AGBL1: variants seen among roughly 807,000 people sequenced by gnomAD.
AGBL1 encodes the protein cytosolic carboxypeptidase 4.
A neutral mutation model predicts 118.9 loss-of-function variants in AGBL1; 130 were observed. The ratio of observed to expected loss-of-function variants is 1.09; its 90% CI spans 0.95 to 1.26. The LOEUF (loss-of-function observed/expected upper bound fraction) is 1.26. Ranked by LOEUF, AGBL1 falls within the 50% of genes most tolerant of loss-of-function variation. The pLI is 0.00. For synonymous variants in AGBL1, 555 were observed against 478.9 expected, an observed-to-expected ratio of 1.16 and a Z score of -2.08; for missense variants, 1,584 against 1,298.1, an observed-to-expected ratio of 1.22 and a Z score of -3.38.
chr15:86,936,125 A>G (rs752304739), intron 23 of AGBL1, among the ~76,000 whole-genome samples: 135 of 152,314 alleles, frequency 8.9e-4, no homozygotes, highest in Non-Finnish European at 1.4e-3. Flanking sequence ...GGGGTTCTGC[A>G]GTGCCACTAA....
intron 16 of AGBL1, among the ~76,000 whole-genome samples, chr15:86,282,580 G>A (rs1297157794): frequency 6.6e-6 from 1 of 152,078 alleles, no homozygotes; most frequent in Non-Finnish European, 1.5e-5. Flanking sequence ...ATAACTCATG[G>A]TCTTTGTCCT....
intron 17 of AGBL1, among the ~76,000 whole-genome samples, chr15:86,310,321 T>C (rs867935899): frequency 9.2e-5 from 14 of 152,328 alleles, no homozygotes; most frequent in Admixed American, 5.2e-4. Flanking sequence ...TTCTCTTACT[T>C]AGTTTGGCTA....
intron 18 of AGBL1, among the ~76,000 whole-genome samples, chr15:86,465,409 G>C (rs1416056694): frequency 6.6e-6 from 1 of 152,062 alleles, no homozygotes; most frequent in Non-Finnish European, 1.5e-5. Context: ...ATGAAATCTG[G>C]CACCTTGAAA....
intron 22 of AGBL1, among the ~76,000 whole-genome samples, chr15:86,820,561 C>A (rs1462018490): frequency 6.6e-6 from 1 of 151,972 alleles, no homozygotes; most frequent in Non-Finnish European, 1.5e-5. Context: ...TTTTTGCGGC[C>A]AAGAAACATA....
In AGBL1 at chr15:86,344,934, CAG is replaced by C. The variant is rs1321026741; in HGVS notation, c.2374+49529_2374+49530del. On this transcript the variant is annotated intron_variant, in intron 17 of 22. Transcript: ENST00000614907. ...GTTTGTACTTGACTCCTTTCCTTTT[CAG>C]AGTCATATAATGTCATCAGTGAACA... 1.2e-4 allele frequency among the ~76,000 whole-genome samples: 19 copies of C among 152,196 alleles called. No individual in the cohort carries two copies. The East Asian group carries it at 2.7e-3, about 22-fold the overall frequency.
chr15:86,079,966 GA>G lies in AGBL1; in HGVS notation c.-3del. 8.1e-7 allele frequency: 1 copy of G among 1,232,184 alleles called. No individual in the cohort carries two copies. The highest frequency in any genetic ancestry group is 4.1e-5 in the South Asian group (1 of 24,322). 76.3% of individuals were successfully genotyped at this position (1,232,184 alleles called of 1,614,324 possible). A position where few individuals can be genotyped will look rare whatever the true frequency, so the allele number is the denominator to read the frequency against. On this transcript the variant is annotated 5_prime_UTR_variant, in exon 1 of 23. Coordinates refer to ENST00000614907, the MANE Select transcript of AGBL1 (RefSeq NM_001386094.1). ...CAGGCAGCGGTTCCCTAGGACCCGA[GA>G]AAAGGATGGCCGAACAAGAAGCTAG...
intron 6 of AGBL1, among the ~76,000 whole-genome samples, chr15:86,233,038 C>T (rs572296398): frequency 1.3e-5 from 2 of 152,312 alleles, no homozygotes; most frequent in Non-Finnish European, 2.9e-5. Flanking sequence ...TTATGATCCC[C>T]ATTTTACATG....
intron 22 of AGBL1, among the ~76,000 whole-genome samples, chr15:86,782,655 A>G (rs935832556): frequency 6.6e-6 from 1 of 152,194 alleles, no homozygotes; most frequent in African/African-American, 2.4e-5. Context: ...ATATCAGTCA[A>G]CTTAAAGTTG....
At chr15:86,563,570 C>A (rs571654981) in intron 21 of AGBL1, among the ~76,000 whole-genome samples, 7,280 of 78,542 alleles carry the variant, frequency 0.093, 491 homozygotes, top group African/African-American at 0.23. Context: ...CAACTATGGA[C>A]TAAGTACGAT....
chr15:87,015,472 G>C (rs1233292658), intron 24 of AGBL1, among the ~76,000 whole-genome samples: 1 of 151,318 alleles, frequency 6.6e-6, no homozygotes, highest in African/African-American at 2.5e-5. Context: ...GTATAGGTAA[G>C]GGCAATGATA....
rs533159291 is a variant in AGBL1 at position 86,681,591 on chromosome 15, C to A, written c.3158+7155C>A. Among the ~76,000 whole-genome samples the A allele has an allele frequency of 4.6e-5, 7 of 152,276 alleles. No individual in the cohort carries two copies. The South Asian group carries it at 1.0e-3, about 23-fold the overall frequency. On this transcript the variant is annotated intron_variant, in intron 22 of 22. Transcript: ENST00000614907. ...TTACCTGTTTCTGCTCTTCCAACTT[C>A]TTTTCCTCATTTTCTTTTGGTCTAT... is the stretch of plus-strand genomic sequence containing the variant.
rs1280006927 is a variant in AGBL1 at position 86,174,873 on chromosome 15, TG to T, written c.488+15848del. 2.0e-5 allele frequency among the ~76,000 whole-genome samples: 3 copies of T among 152,242 alleles called. No individual in the cohort carries two copies. In the East Asian group the frequency reaches 5.8e-4, roughly 29 times the overall value. On this transcript the variant is annotated intron_variant, in intron 5 of 22. Transcript: ENST00000614907. ...CCTTGATCATGGTATATTATCTTTT[TG>T]ATGTGTTGTTGGTTTGCTAGTATTT...
intron 21 of AGBL1, among the ~76,000 whole-genome samples, chr15:86,646,552 A>G (rs571436084): frequency 6.6e-6 from 1 of 152,294 alleles, no homozygotes; most frequent in African/African-American, 2.4e-5. Flanking sequence ...TCCCACACTC[A>G]AGACTCTGTG....
intron 5 of AGBL1, among the ~76,000 whole-genome samples, chr15:86,202,209 CT>C (rs1197596841): frequency 6.6e-6 from 1 of 152,122 alleles, no homozygotes; most frequent in East Asian, 1.9e-4. Context: ...AGGAGAATCC[CT>C]TGAACCCAGG....
intron 22 of AGBL1, among the ~76,000 whole-genome samples, chr15:86,697,729 A>G (rs1258104637): frequency 6.6e-6 from 1 of 151,946 alleles, no homozygotes; most frequent in Non-Finnish European, 1.5e-5. Flanking sequence ...GTCGGAGGGA[A>G]GATCTGGGGA....
At chr15:86,175,137 G>A (rs1282033921) in intron 5 of AGBL1, among the ~76,000 whole-genome samples, 1 of 151,904 alleles carries the variant, frequency 6.6e-6, no homozygotes, top group Non-Finnish European at 1.5e-5. Flanking sequence ...CTGGTCCTGA[G>A]TTTTTGTTCT....
chr15:86,430,814 G>C (rs541447713), intron 18 of AGBL1, among the ~76,000 whole-genome samples: 1 of 151,306 alleles, frequency 6.6e-6, no homozygotes, highest in Middle Eastern at 3.4e-3. Flanking sequence ...GTTGTATTAC[G>C]TATAACTTTG....
intron 21 of AGBL1, among the ~76,000 whole-genome samples, chr15:86,597,488 C>G (rs2084428726): frequency 6.6e-6 from 1 of 152,058 alleles, no homozygotes; most frequent in Non-Finnish European, 1.5e-5. Flanking sequence ...CTTCATCACC[C>G]CTAACCCCAG....
chr15:86,279,496 C>A (rs1668375541), intron 15 of AGBL1, 143 bp from the exon 16 acceptor site: 2 of 774,860 alleles, frequency 2.6e-6, no homozygotes, highest in Non-Finnish European at 4.1e-6. Context: ...CTCAGTTTCA[C>A]CCACAGAAAT....
Sources: gnomAD v4.1 joint callset for allele counts (sites outside exome capture counted in the v4.1 genomes callset) on GRCh38, gnomAD v4.1.1 for gene constraint, MANE v1.5 for transcripts, NCBI Gene and HGNC (gene_info 2026-07-23, HGNC 2026-07-21) for gene names.